The following WRN variants were observed in gnomAD, a reference collection of about 807,000 sequenced individuals.
WRN encodes WRN RecQ like helicase.
A neutral mutation model predicts 180.7 loss-of-function variants in WRN; 149 were observed. The ratio of observed to expected loss-of-function variants is 0.82; its 90% CI spans 0.72 to 0.94. The LOEUF is 0.94. WRN is among the 40% of genes least tolerant of loss of function. WRN has a pLI of 0.00. For missense variants in WRN, 1,661 were observed against 1,700.1 expected (o/e 0.98, Z 0.40); for synonymous variants, 548 against 568.9 (o/e 0.96, Z 0.52).
rs1036524648 is a variant in WRN at position 31,173,879 on chromosome 8, A to G, written c.*777A>G. On this transcript the variant is annotated 3_prime_UTR_variant, in exon 35 of 35. Coordinates refer to ENST00000298139, the MANE Select transcript of WRN (RefSeq NM_000553.6). The stretch of plus-strand genomic sequence containing the variant: ...GCACATGTGACTTAATTTAAAACCT[A>G]TACTGTGACACAGAGTTGGGTAAAC... 6.6e-6 allele frequency: 1 copy of G among 152,226 alleles called. No homozygotes were observed. The highest frequency in any genetic ancestry group is 6.5e-5 in the Admixed American group (1 of 15,274). 9.4% of individuals were successfully genotyped at this position (152,226 alleles called of 1,614,324 possible).
intron 26 of WRN, among the ~76,000 whole-genome samples, chr8:31,142,335 A>G (rs746673374): frequency 5.9e-5 from 9 of 152,212 alleles, no homozygotes; most frequent in African/African-American, 1.9e-4. Context: ...ACTGAAATCA[A>G]TGCGGAGGAA....
intron 20 of WRN, among the ~76,000 whole-genome samples, chr8:31,119,624 C>T (rs1801644435): frequency 6.6e-6 from 1 of 151,888 alleles, no homozygotes; most frequent in South Asian, 2.1e-4. Context: ...TTTTTATGAT[C>T]TCTGAGCCAT....
intron 7 of WRN, among the ~76,000 whole-genome samples, chr8:31,070,564 C>T (rs991942878): frequency 6.6e-6 from 1 of 151,888 alleles, no homozygotes; most frequent in Non-Finnish European, 1.5e-5. Context: ...TCCTGAGGGG[C>T]CTACAGTTTT....
At chr8:31,119,662 T>C (rs1801645496) in intron 20 of WRN, among the ~76,000 whole-genome samples, 1 of 152,016 alleles carries the variant, frequency 6.6e-6, no homozygotes, top group Admixed American at 6.6e-5. Context: ...TTTTTCTTTC[T>C]TATCTATTTG....
At chr8:31,171,226 T>C (rs1422983532) in intron 34 of WRN, 1 of 152,142 alleles carries the variant, frequency 6.6e-6, no homozygotes, top group Non-Finnish European at 1.5e-5. Context: ...GCTCTATTGC[T>C]GTTCAGATGT....
chr8:31,097,458 C>G (rs531641989), intron 17 of WRN, among the ~76,000 whole-genome samples: 13 of 152,114 alleles, frequency 8.5e-5, no homozygotes, highest in Admixed American at 2.6e-4. Context: ...TTAGTTGCCA[C>G]TAGTGAGTAT....
At position 31,173,075 on chromosome 8, in the gene WRN, A is replaced by G; in HGVS notation, c.4272A>G (p.Lys1424=). ...GSDTSKKLMD[K]TKRGGLFS ...ATACCAGCAAGAAATTAATGGACAA[A>G]ACGAAAAGGGGAGGTCTTTTTAGTT... is the stretch of plus-strand genomic sequence containing the variant. The change falls in exon 35 of 35, where the codon AAA becomes AAG. Residue 1424 remains lysine, a synonymous_variant. Coordinates refer to ENST00000298139, the MANE Select transcript of WRN (RefSeq NM_000553.6). 1 of 1,614,020 alleles carries G rather than the reference A, an allele frequency of 6.2e-7. No individual in the cohort carries two copies. Among genetic ancestry groups the G allele is most frequent in the African/African-American group, 1.3e-5 (1 of 75,052 alleles).
chr8:31,130,646 G>A (rs2725357), intron 23 of WRN, among the ~76,000 whole-genome samples: 1 of 144,934 alleles, frequency 6.9e-6, no homozygotes, highest in South Asian at 2.4e-4. Context: ...TTTTAAAGAA[G>A]AAGTTTATTT....
chr8:31,041,873 C>A (rs998668629), intron 1 of WRN, among the ~76,000 whole-genome samples: 1 of 152,180 alleles, frequency 6.6e-6, no homozygotes, highest in African/African-American at 2.4e-5. Context: ...GGTACAGGCA[C>A]AGAGTAGGTC....
chr8:31,078,200 AGGTTT>A (rs1469559921), intron 8 of WRN, among the ~76,000 whole-genome samples: 2 of 152,194 alleles, frequency 1.3e-5, no homozygotes, highest in Non-Finnish European at 2.9e-5. Context: ...GAAGCTGAAT[AGGTTT>A]TCTTAAAACT....
At chr8:31,045,530 G>A (rs1478231344) in intron 1 of WRN, among the ~76,000 whole-genome samples, 1 of 151,752 alleles carries the variant, frequency 6.6e-6, no homozygotes, top group Non-Finnish European at 1.5e-5. Flanking sequence ...AGCCTCCCTA[G>A]TAGATGGGAT....
Position 31,111,693 on chromosome 8 carries a change from C to T in WRN, c.2167C>T (p.Pro723Ser), listed in dbSNP as rs1241449748. 6 of 1,614,058 alleles carry T rather than the reference C, an allele frequency of 3.7e-6. No homozygotes were observed. In the Admixed American group the frequency reaches 5.0e-5, roughly 13 times the overall value. Residue 723 changes from proline to serine, a missense_variant, in exon 19 of 35, where the codon CCT becomes TCT. Around this residue, in one of 3 missense-constraint regions of WRN, gnomAD observed 1,141 missense variants for 1,149.4 expected, o/e 0.99. Coordinates refer to ENST00000298139, the MANE Select transcript of WRN (RefSeq NM_000553.6). Reference sequence around the variant, plus strand: ...TGTACGTTGCTTAAATCTGAGAAATCCTCAGATCACCTGTACTGGTTTTGA... The same window carrying T: ...TGTACGTTGCTTAAATCTGAGAAATTCTCAGATCACCTGTACTGGTTTTGA... The part of the protein sequence containing the change: ...DIVRCLNLRN[P>S]QITCTGFDRP...
rs754646679 is a variant in WRN at position 31,059,143 on chromosome 8, T to G, written c.97-10T>G. The G allele has an allele frequency of 6.2e-7, 1 of 1,607,472 alleles. No individual in the cohort carries two copies. Among genetic ancestry groups the G allele is most frequent in the East Asian group, 2.2e-5 (1 of 44,766 alleles). ...ACTTTGTGCCTGTTTTGAAATTTAC[T>G]AAACTCAAGGCATGTGTTCGGAAGA... On this transcript the variant is annotated splice_polypyrimidine_tract_variant and intron_variant, in intron 2 of 34. Transcript: ENST00000298139.
intron 1 of WRN, among the ~76,000 whole-genome samples, chr8:31,043,543 CTTCT>C (rs1811734631): frequency 6.6e-6 from 1 of 152,150 alleles, no homozygotes; most frequent in Non-Finnish European, 1.5e-5. Flanking sequence ...TCATTATCGT[CTTCT>C]TTCTTAGTGT....
intron 23 of WRN, among the ~76,000 whole-genome samples, chr8:31,130,589 C>T (rs1802121087): frequency 6.8e-6 from 1 of 146,764 alleles, no homozygotes; most frequent in Non-Finnish European, 1.5e-5. Context: ...CAGTCGTTAG[C>T]GTTTAACAAT....
intron 1 of WRN, among the ~76,000 whole-genome samples, chr8:31,049,392 C>T (rs1031170444): frequency 6.6e-5 from 10 of 151,040 alleles, no homozygotes; most frequent in Admixed American, 1.3e-4. Flanking sequence ...ATTAGCTGGG[C>T]ATGGTGGCAT....
At chr8:31,075,651 T>G (rs1585421084) in intron 7 of WRN, among the ~76,000 whole-genome samples, 1 of 144,810 alleles carries the variant, frequency 6.9e-6, no homozygotes, top group African/African-American at 2.6e-5. Context: ...AGCCGGGAGG[T>G]GGAGGTTGCA....
At chr8:31,144,580 G>A (rs11574349) in intron 28 of WRN, among the ~76,000 whole-genome samples, 10,523 of 152,102 alleles carry the variant, frequency 0.069, 426 homozygotes, top group African/African-American at 0.091. Context: ...CAGGTGATCC[G>A]CCTGCCTTGG....
intron 17 of WRN, among the ~76,000 whole-genome samples, chr8:31,100,305 A>G (rs961373804): frequency 1.3e-5 from 2 of 152,214 alleles, no homozygotes; most frequent in Non-Finnish European, 2.9e-5. Context: ...TACTTTGTGC[A>G]TCATGTGATT....
Sources: gnomAD v4.1 joint callset for allele counts (sites outside exome capture counted in the v4.1 genomes callset) on GRCh38, gnomAD v4.1.1 for gene constraint, gnomAD v4.1.1 regional missense constraint, MANE v1.5 for transcripts, NCBI Gene and HGNC (gene_info 2026-07-23, HGNC 2026-07-21) for gene names.